Variants in CARMIL2 observed in about 807,000 individuals in gnomAD.
CARMIL2 encodes capping protein, Arp2/3 and myosin-I linker protein 2.
CARMIL2 carries 96 observed loss-of-function variants against 173.3 expected under a neutral mutation model. That is an observed-to-expected ratio of 0.55 (90% CI 0.47 to 0.66). The LOEUF (loss-of-function observed/expected upper bound fraction) is 0.66. CARMIL2 is among the 30% of genes least tolerant of loss of function. The probability of loss-of-function intolerance (pLI) is 0.00; values close to 1 mark genes in which losing one functional copy is unlikely to be tolerated. For missense variants in CARMIL2, 1,771 were observed against 1,906.7 expected (o/e 0.93, Z 1.33); for synonymous variants, 830 against 817.1 (o/e 1.02, Z -0.27).
rs2052678899 is a variant in CARMIL2 at position 67,649,635 on chromosome 16, G to C, written c.1919+16G>C. 1.3e-6 allele frequency: 2 copies of C among 1,583,640 alleles called. No homozygotes were observed. Among genetic ancestry groups the C allele is most frequent in the East Asian group, 4.5e-5 (2 of 44,390 alleles). On this transcript the variant is annotated intron_variant, in intron 20 of 37. Transcript: ENST00000334583. This position sits in a 1 kb window ranked among gnomAD's most constrained non-coding sequence, Gnocchi z 6.7. ...CGAGGCTCCGGTGGGCGGGGTCAGA[G>C]GGGTGGGACCAGCGGGCAGGGGGCG...
In CARMIL2 at chr16:67,652,100, G is replaced by A. The variant is rs1446157405; in HGVS notation, c.2676+92G>A. 5.0e-6 allele frequency: 8 copies of A among 1,600,094 alleles called. No homozygotes were observed. The South Asian group carries it at 8.8e-5, about 18-fold the overall frequency. ...GCAGGGGCTCTGTAATGTCTTCTGG[G>A]GTCATGTAGCCCAGGGCTATTTCAG... On this transcript the variant is annotated intron_variant, in intron 26 of 37. Transcript: ENST00000334583. The surrounding 1 kb of genome is among the most constrained non-coding windows in gnomAD (Gnocchi z 4.7).
At chr16:67,654,308 G>GCTCA (rs761216007) in intron 30 of CARMIL2, 24 bp from the exon 31 acceptor site, 10 of 1,582,334 alleles carry the variant, frequency 6.3e-6, no homozygotes, top group Non-Finnish European at 1.7e-6. Context: ...GGGCTTTCTC[G>GCTCA]CTCACTGCTG....
In CARMIL2 at chr16:67,654,406, G is replaced by A; in HGVS notation, c.3296G>A (p.Gly1099Asp). Reference protein sequence around the residue: ...PVPRTLRKKLGTLFAFKKPRS... With the variant: ...PVPRTLRKKLDTLFAFKKPRS... ...CCCCGTACACTGCGAAAGAAGCTGG[G>A]CACCCTCTTTGCCTTCAAGAAGCCT... The change falls in exon 31 of 38, where the codon GGC becomes GAC. Residue 1099 changes from glycine to aspartate, a missense_variant. Gly to Asp is a moderately conservative substitution (Grantham distance 94). This residue lies in a region of CARMIL2 where 817 missense variants were observed against 903.5 expected (regional missense o/e 0.90). Coordinates refer to ENST00000334583, the MANE Select transcript of CARMIL2 (RefSeq NM_001013838.3). 1 of 1,610,554 alleles carries A rather than the reference G, an allele frequency of 6.2e-7. No individual in the cohort carries two copies. The highest frequency in any genetic ancestry group is 8.5e-7 in the Non-Finnish European group (1 of 1,178,712).
In CARMIL2 at chr16:67,655,886, T is replaced by C. The variant is rs190890322; in HGVS notation, c.3706-145T>C. 27 of 825,560 alleles carry C rather than the reference T, an allele frequency of 3.3e-5. No individual in the cohort carries two copies. The African/African-American group carries it at 4.5e-4, about 14-fold the overall frequency. 51.1% of individuals were successfully genotyped at this position (825,560 alleles called of 1,614,324 possible). On this transcript the variant is annotated intron_variant, in intron 32 of 37. Coordinates refer to ENST00000334583, the MANE Select transcript of CARMIL2 (RefSeq NM_001013838.3). Reference sequence around the variant, plus strand: ...AGAAATATTCAAGTGTGCAAAGAGTTCTAAGAGGGCTGTACTGGGTTTGCC... The same window carrying C: ...AGAAATATTCAAGTGTGCAAAGAGTCCTAAGAGGGCTGTACTGGGTTTGCC...
intron 12 of CARMIL2, 37 bp downstream of exon 12, chr16:67,647,803 T>TGGGGGGGCGGGGGGG: frequency 3.9e-6 from 1 of 258,442 alleles, no homozygotes; most frequent in Non-Finnish European, 6.3e-6. Flanking sequence ...GGGAGGGGGG[T>TGGGGGGGCGGGGGGG]GGGGGTCTGT....
Position 67,652,151 on chromosome 16 carries a change from A to T in CARMIL2, c.2677-48A>T. On this transcript the variant is annotated intron_variant, in intron 26 of 37. Coordinates refer to ENST00000334583, the MANE Select transcript of CARMIL2 (RefSeq NM_001013838.3). The surrounding 1 kb of genome is among the most constrained non-coding windows in gnomAD (Gnocchi z 4.7). Reference sequence around the variant, plus strand: ...GGTCCCCTTAGTTAGCATCAATGGGATCATGGCTGAGGCCCTACCTGCCAT... The same window carrying T: ...GGTCCCCTTAGTTAGCATCAATGGGTTCATGGCTGAGGCCCTACCTGCCAT... The T allele has an allele frequency of 6.2e-7, 1 of 1,604,862 alleles. No homozygotes were observed. The highest frequency in any genetic ancestry group is 8.5e-7 in the Non-Finnish European group (1 of 1,176,156).
intron 22 of CARMIL2, 117 bp downstream of exon 22, chr16:67,650,267 G>A: frequency 2.5e-6 from 2 of 790,904 alleles, no homozygotes; most frequent in Non-Finnish European, 4.1e-6. Flanking sequence ...GAGCCCTGCT[G>A]TCCCACACAA....
Position 67,654,526 on chromosome 16 carries a change from C to T in CARMIL2, c.3416C>T (p.Pro1139Leu). Residue 1139 changes from proline to leucine, a missense_variant, in exon 31 of 38, where the codon CCA (proline) becomes CTA (leucine). This residue lies in a region of CARMIL2 where 817 missense variants were observed against 903.5 expected (regional missense o/e 0.90). Transcript: ENST00000334583. ...ACATTTGGCGACCTACTGCGGCCGC[C>T]AACCCGTCCCAGCCGTGGTGAGGAG... ...KTTFGDLLRP[P>L]TRPSRGEELG... 6.2e-7 allele frequency: 1 copy of T among 1,611,630 alleles called. No individual in the cohort carries two copies. The highest frequency in any genetic ancestry group is 1.1e-5 in the South Asian group (1 of 90,820).
At position 67,647,762 on chromosome 16, in the gene CARMIL2, G is replaced by C; in HGVS notation, c.954G>C (p.Pro318=). The stretch of plus-strand genomic sequence containing the variant: ...GCCTGGCCCAGACAGGGTTGACACC[G>C]CGAGGTAGGCTGGATGAGGGAGGGG... ...RLSLAQTGLT[P]RGMRALGRAL... is the part of the protein sequence containing the mutation. Residue 318 remains proline (P), a synonymous_variant, in exon 12 of 38, where the codon CCG becomes CCC. Coordinates refer to ENST00000334583, the MANE Select transcript of CARMIL2 (RefSeq NM_001013838.3). 3 of 1,406,446 alleles carry C rather than the reference G, an allele frequency of 2.1e-6. No individual in the cohort carries two copies. The South Asian group carries it at 3.6e-5, about 17-fold the overall frequency. 87.1% of individuals were successfully genotyped at this position (1,406,446 alleles called of 1,614,324 possible). A position where few individuals can be genotyped will look rare whatever the true frequency, so the allele number is the denominator to read the frequency against.
At position 67,649,471 on chromosome 16, in the gene CARMIL2, G is replaced by C; in HGVS notation, c.1771G>C (p.Glu591Gln). Reference protein sequence around the residue: ...DCPLQSLSVAESRLKLGASVL... With the variant: ...DCPLQSLSVAQSRLKLGASVL... ...GCCTCTTCAGTCTCTGTCGGTGGCT[G>C]AGTCTCGGCTGAAGCTGGGTGCCAG... Residue 591 changes from glutamate to glutamine, a missense_variant, in exon 20 of 38, where the codon GAG (glutamate) becomes CAG (glutamine). Glu to Gln is a conservative substitution (Grantham distance 29). Around this residue, in one of 3 missense-constraint regions of CARMIL2, gnomAD observed 944 missense variants for 975.6 expected, o/e 0.97. Transcript: ENST00000334583. This position sits in a 1 kb window ranked among gnomAD's most constrained non-coding sequence, Gnocchi z 6.7. 6.2e-7 allele frequency: 1 copy of C among 1,611,546 alleles called. No individual in the cohort carries two copies. Among genetic ancestry groups the C allele is most frequent in the East Asian group, 2.2e-5 (1 of 44,884 alleles).
chr16:67,646,454 T>A lies in CARMIL2; in HGVS notation c.403T>A (p.Ser135Thr). Reference protein sequence around the residue: ...GKLFRRPTPASMLARLERSSP... With the variant: ...GKLFRRPTPATMLARLERSSP... ...GCTATTCCGGAGGCCCACACCAGCC[T>A]CCATGCTGGCTCGGCTGGAGAGAAG... Residue 135 changes from serine to threonine, a missense_variant, in exon 6 of 38, where the codon TCC becomes ACC. This residue lies in a region of CARMIL2 where 944 missense variants were observed against 975.6 expected (regional missense o/e 0.97). Coordinates refer to ENST00000334583, the MANE Select transcript of CARMIL2 (RefSeq NM_001013838.3). This position sits in a 1 kb window ranked among gnomAD's most constrained non-coding sequence, Gnocchi z 4.6. The A allele has an allele frequency of 6.2e-7, 1 of 1,613,714 alleles. No homozygotes were observed. Among genetic ancestry groups the A allele is most frequent in the Non-Finnish European group, 8.5e-7 (1 of 1,179,856 alleles).
In CARMIL2 at chr16:67,654,242, G is replaced by A. The variant is rs776012374; in HGVS notation, c.3214G>A (p.Asp1072Asn). 2.6e-6 allele frequency: 4 copies of A among 1,567,966 alleles called. No homozygotes were observed. Residue 1072 changes from aspartate (D) to asparagine (N), a missense_variant, in exon 30 of 38, where the codon GAT becomes AAT. By Grantham distance (23) the Asp-to-Asn change is conservative (BLOSUM62 1). Transcript: ENST00000334583. ...EFFSKRLIQQ[D>N]RLWAPEEDPA... ...CTTCTCCAAAAGGCTGATCCAGCAG[G>A]ATCGCCTGTGAGTGAGGGGCATCTG...
chr16:67,650,166 C>T lies in CARMIL2; in HGVS notation c.2184+16C>T. The T allele has an allele frequency of 4.4e-6, 7 of 1,597,884 alleles. No individual in the cohort carries two copies. The highest frequency in any genetic ancestry group is 6.0e-6 in the Non-Finnish European group (7 of 1,171,792). ...CTCAGAGCAGGTCAATGTCCCCTCCCCAACCACGAGAGGTAGGGCATGAGG... is the reference window on the plus strand; with the variant it reads ...CTCAGAGCAGGTCAATGTCCCCTCCTCAACCACGAGAGGTAGGGCATGAGG... On this transcript the variant is annotated intron_variant, in intron 22 of 37. Coordinates refer to ENST00000334583, the MANE Select transcript of CARMIL2 (RefSeq NM_001013838.3).
Position 67,646,868 on chromosome 16 carries a change from A to G in CARMIL2, c.538-32A>G, listed in dbSNP as rs1597743994. The G allele has an allele frequency of 2.5e-6, 4 of 1,613,514 alleles. No individual in the cohort carries two copies. Among genetic ancestry groups the G allele is most frequent in the East Asian group, 2.2e-5 (1 of 44,880 alleles). ...GCCCCTCCCTGCCCCTTGTGGCCCCAGGCGAACTGTAAGCATCTCCTTCTC... is the reference window on the plus strand; with the variant it reads ...GCCCCTCCCTGCCCCTTGTGGCCCCGGGCGAACTGTAAGCATCTCCTTCTC... On this transcript the variant is annotated intron_variant, in intron 7 of 37. Transcript: ENST00000334583. This position sits in a 1 kb window ranked among gnomAD's most constrained non-coding sequence, Gnocchi z 4.6.
In CARMIL2 at chr16:67,654,614, C is replaced by T; in HGVS notation, c.3504C>T (p.Tyr1168=). 6.2e-7 allele frequency: 1 copy of T among 1,601,862 alleles called. No individual in the cohort carries two copies. Among genetic ancestry groups the T allele is most frequent in the Non-Finnish European group, 8.5e-7 (1 of 1,173,462 alleles). The change falls in exon 31 of 38, where the codon TAC becomes TAT. Residue 1168 remains tyrosine (Y), a synonymous_variant. Transcript: ENST00000334583. ...CTGCCGGCAGGAGCCGACCTCGCTACACAAGAGATAGCAAGGCCTACTCGA... is the reference window on the plus strand; with the variant it reads ...CTGCCGGCAGGAGCCGACCTCGCTATACAAGAGATAGCAAGGCCTACTCGA... The part of the protein sequence containing the change: ...PDPAGRSRPR[Y]TRDSKAYSMI...
rs963914163 is a variant in CARMIL2, at chr16:67,651,021, G to T, written c.2185-166G>T. On this transcript the variant is annotated intron_variant, in intron 22 of 37. Transcript: ENST00000334583. This position sits in a 1 kb window ranked among gnomAD's most constrained non-coding sequence, Gnocchi z 4.2. ...TATAAAGTCCTTAAAATGAACCAAA[G>T]CAACAGATAGTTCCTTCCCTCCTTG... is the stretch of plus-strand genomic sequence containing the variant. The T allele has an allele frequency of 2.8e-6, 2 of 710,708 alleles. No homozygotes were observed. The highest frequency in any genetic ancestry group is 2.0e-5 in the South Asian group (1 of 49,332). 44.0% of individuals were successfully genotyped at this position (710,708 alleles called of 1,614,324 possible).
rs533550573 is a variant in CARMIL2 at position 67,647,335 on chromosome 16, A to C, written c.724A>C (p.Ser242Arg). Residue 242 changes from serine (S) to arginine (R), a missense_variant, in exon 10 of 38, where the codon AGT (serine) becomes CGT (arginine). By Grantham distance (110) the Ser-to-Arg change is moderately radical (BLOSUM62 -1). Coordinates refer to ENST00000334583, the MANE Select transcript of CARMIL2 (RefSeq NM_001013838.3). Reference protein sequence around the residue: ...EVSEQILHMMSQSSHLEELVL... With the variant: ...EVSEQILHMMRQSSHLEELVL... ...CTCAGAACAGATTCTGCACATGATGAGTCAGTCATCACACCTGGAGGAGCT... is the reference window on the plus strand; with the variant it reads ...CTCAGAACAGATTCTGCACATGATGCGTCAGTCATCACACCTGGAGGAGCT... 1 of 1,592,300 alleles carries C rather than the reference A, an allele frequency of 6.3e-7. No homozygotes were observed. Among genetic ancestry groups the C allele is most frequent in the African/African-American group, 1.3e-5 (1 of 74,584 alleles).
rs2052596467 is a variant in CARMIL2 at position 67,646,491 on chromosome 16, A to T, written c.440A>T (p.Glu147Val). Residue 147 changes from glutamate (E) to valine (V), a missense_variant, in exon 6 of 38, where the codon GAG becomes GTG. Around this residue, in one of 3 missense-constraint regions of CARMIL2, gnomAD observed 944 missense variants for 975.6 expected, o/e 0.97. Coordinates refer to ENST00000334583, the MANE Select transcript of CARMIL2 (RefSeq NM_001013838.3). This position sits in a 1 kb window ranked among gnomAD's most constrained non-coding sequence, Gnocchi z 4.6. ...CGGCTGGAGAGAAGCAGCCCCTCGGAGTCCACTGACCCCTGCAGCCCCTGT... is the reference window on the plus strand; with the variant it reads ...CGGCTGGAGAGAAGCAGCCCCTCGGTGTCCACTGACCCCTGCAGCCCCTGT... ...LARLERSSPS[E>V]STDPCSPCGG... 6.2e-7 allele frequency: 1 copy of T among 1,613,210 alleles called. No individual in the cohort carries two copies. The highest frequency in any genetic ancestry group is 1.3e-5 in the African/African-American group (1 of 74,882).
In CARMIL2 at chr16:67,656,599, C is replaced by T. The variant is rs1193247983; in HGVS notation, c.3990C>T (p.Asp1330=). 6 of 1,608,156 alleles carry T rather than the reference C, an allele frequency of 3.7e-6. No homozygotes were observed. Among genetic ancestry groups the T allele is most frequent in the Non-Finnish European group, 1.7e-6 (2 of 1,177,336 alleles). Reference sequence around the variant, plus strand: ...CCTGCAGAACCAGCCCCTCCCCAGACAGCCTGGGCCTCCCAGAGGACCCTT... The same window carrying T: ...CCTGCAGAACCAGCCCCTCCCCAGATAGCCTGGGCCTCCCAGAGGACCCTT... The part of the protein sequence containing the change: ...PSPCRTSPSP[D]SLGLPEDPCL... The change falls in exon 35 of 38, where the codon GAC becomes GAT. Residue 1330 remains aspartate (D), a synonymous_variant. Coordinates refer to ENST00000334583, the MANE Select transcript of CARMIL2 (RefSeq NM_001013838.3).
Sources: allele counts gnomAD v4.1 joint callset, GRCh38; gene constraint gnomAD v4.1.1; regional missense constraint gnomAD v4.1.1; non-coding constraint Gnocchi (gnomAD v3.1); transcripts MANE v1.5; gene names NCBI Gene and HGNC (gene_info 2026-07-23, HGNC 2026-07-21).